PITPNC1: variants seen among roughly 807,000 people sequenced by gnomAD.
PITPNC1 encodes the protein cytoplasmic phosphatidylinositol transfer protein 1.
Under a neutral mutation model 44.7 loss-of-function variants are expected in PITPNC1, and 18 were observed. The observed-to-expected ratio is 0.40, with a 90% confidence interval of 0.28 to 0.60. The LOEUF (loss-of-function observed/expected upper bound fraction) is 0.60. PITPNC1 is among the 20% of genes least tolerant of loss of function. PITPNC1 has a pLI of 0.39. For missense variants in PITPNC1, 290 were observed against 418.4 expected, an observed-to-expected ratio of 0.69 and a Z score of 2.68; for synonymous variants, 141 against 149.6, an observed-to-expected ratio of 0.94 and a Z score of 0.42.
intron 5 of PITPNC1, among the ~76,000 whole-genome samples, chr17:67,583,865 TTGTGTG>T (rs771258752): frequency 1.2e-4 from 14 of 118,446 alleles, no homozygotes; most frequent in South Asian, 3.1e-4. Flanking sequence ...CTGGCTAATT[TTGTGTG>T]TGTGTGTGTG....
At chr17:67,576,658 T>G (rs2570037) in intron 4 of PITPNC1, among the ~76,000 whole-genome samples, 15,592 of 152,114 alleles carry the variant, frequency 0.1, 1,683 homozygotes, top group African/African-American at 0.27. Flanking sequence ...CCATCAAAAT[T>G]CTCTTCTTAA....
intron 3 of PITPNC1, among the ~76,000 whole-genome samples, chr17:67,553,013 A>G (rs1051527156): frequency 2.2e-4 from 33 of 152,144 alleles, no homozygotes; most frequent in Admixed American, 1.7e-3. Context: ...AAAAGATTCT[A>G]TTGGATCTCT....
chr17:67,599,001 CATATATATATATATAT>C (rs1172990089), intron 5 of PITPNC1, among the ~76,000 whole-genome samples: 31 of 45,164 alleles, frequency 6.9e-4, no homozygotes, highest in African/African-American at 1.6e-3. Flanking sequence ...ATAAGAAATA[CATATATATATATATAT>C]ATATATATAT....
chr17:67,404,022 A>AAAAC (rs1337935488), intron 1 of PITPNC1, among the ~76,000 whole-genome samples: 1 of 152,194 alleles, frequency 6.6e-6, no homozygotes, highest in African/African-American at 2.4e-5. Context: ...GCTCCATCTC[A>AAAAC]AAACAAACAA....
chr17:67,378,399 G>C (rs1296429395), intron 1 of PITPNC1, among the ~76,000 whole-genome samples, 197 bp downstream of exon 1: 2 of 152,138 alleles, frequency 1.3e-5, no homozygotes, highest in Non-Finnish European at 2.9e-5. Flanking sequence ...GCGCTGGGTG[G>C]GGCGGCGGAC....
At chr17:67,575,827 CTTCCTTCCTTCCTTCTTTCTTTCTTTCT>C (rs2041137002) in intron 4 of PITPNC1, among the ~76,000 whole-genome samples, 84 of 70,610 alleles carry the variant, frequency 1.2e-3, no homozygotes, top group African/African-American at 3.1e-3. Context: ...TCTTTCCTTC[CTTCCTTCCTTCCTTCTTTCTTTCTTTCT>C]TTCCTTCCTT....
chr17:67,398,510 G>GTAT (rs1555647050), intron 1 of PITPNC1, among the ~76,000 whole-genome samples: 1 of 151,614 alleles, frequency 6.6e-6, no homozygotes, highest in Admixed American at 6.6e-5. Flanking sequence ...GTGCAGTTGG[G>GTAT]TGTTGTGGAG....
At chr17:67,405,958 T>C (rs1836728868) in intron 1 of PITPNC1, among the ~76,000 whole-genome samples, 4 of 152,138 alleles carry the variant, frequency 2.6e-5, no homozygotes. Flanking sequence ...CTTCTGTACA[T>C]ATGACATTAT....
intron 6 of PITPNC1, among the ~76,000 whole-genome samples, chr17:67,652,950 G>A (rs2042225436): frequency 6.6e-6 from 1 of 152,154 alleles, no homozygotes; most frequent in African/African-American, 2.4e-5. Flanking sequence ...GATCATTAGG[G>A]GGACCCTAAT....
intron 1 of PITPNC1, among the ~76,000 whole-genome samples, chr17:67,389,961 G>T (rs1488531847): frequency 1.3e-5 from 2 of 152,060 alleles, no homozygotes; most frequent in East Asian, 3.9e-4. Flanking sequence ...TTACAGACGC[G>T]AGCCACCGTG....
chr17:67,411,082 C>A (rs1218835371), intron 1 of PITPNC1, among the ~76,000 whole-genome samples: 66 of 136,468 alleles, frequency 4.8e-4, no homozygotes, highest in Non-Finnish European at 5.0e-4. Flanking sequence ...ACTCCCATCT[C>A]AAAAAAAAAA....
intron 1 of PITPNC1, among the ~76,000 whole-genome samples, chr17:67,389,343 C>T (rs2038102186): frequency 6.6e-6 from 1 of 152,206 alleles, no homozygotes; most frequent in Non-Finnish European, 1.5e-5. Context: ...GGCCATTCTG[C>T]CTCTCCTAGG....
At chr17:67,624,930 A>G (rs993716607) in intron 5 of PITPNC1, among the ~76,000 whole-genome samples, 1 of 152,238 alleles carries the variant, frequency 6.6e-6, no homozygotes, top group Non-Finnish European at 1.5e-5. Context: ...ATACTTTACA[A>G]AAAAGAGAAA....
At chr17:67,448,221 A>G (rs531027053) in intron 1 of PITPNC1, among the ~76,000 whole-genome samples, 1 of 152,286 alleles carries the variant, frequency 6.6e-6, no homozygotes, top group South Asian at 2.1e-4. Flanking sequence ...TGCTGGGATT[A>G]CAGGCATGAG....
At chr17:67,589,437 G>A (rs1353317062) in intron 5 of PITPNC1, among the ~76,000 whole-genome samples, 1 of 152,164 alleles carries the variant, frequency 6.6e-6, no homozygotes, top group African/African-American at 2.4e-5. Context: ...CCTCTGATGT[G>A]CTAGTATCAA....
intron 1 of PITPNC1, among the ~76,000 whole-genome samples, chr17:67,480,852 C>T (rs1020659606): frequency 2.6e-5 from 4 of 152,160 alleles, no homozygotes; most frequent in Non-Finnish European, 4.4e-5. Flanking sequence ...TGGAACAAAG[C>T]ACACATGGGT....
At chr17:67,615,820 A>C (rs2041750436) in intron 5 of PITPNC1, among the ~76,000 whole-genome samples, 1 of 152,114 alleles carries the variant, frequency 6.6e-6, no homozygotes, top group African/African-American at 2.4e-5. Flanking sequence ...GGCATTATTG[A>C]TCATACTTCG....
chr17:67,429,106 G>T (rs909663475), intron 1 of PITPNC1, among the ~76,000 whole-genome samples: 5 of 152,006 alleles, frequency 3.3e-5, no homozygotes, highest in African/African-American at 1.2e-4. Flanking sequence ...CTCCCAAAGT[G>T]CTGGGATTAC....
Position 67,692,855 on chromosome 17 carries a change from T to C in PITPNC1, c.966T>C (p.Ser322=), listed in dbSNP as rs1399063257. 6.2e-7 allele frequency: 1 copy of C among 1,612,162 alleles called. No individual in the cohort carries two copies. The highest frequency in any genetic ancestry group is 8.5e-7 in the Non-Finnish European group (1 of 1,178,488). Residue 322 remains serine (S), a synonymous_variant, in exon 9 of 9, where the codon TCT becomes TCC. Coordinates refer to ENST00000581322, the MANE Select transcript of PITPNC1 (RefSeq NM_012417.4). ...CCCTGAATTTACCCGGCATGCACTCTTCAGATAAGCCATGTCGGCCCAAAT... is the reference window on the plus strand; with the variant it reads ...CCCTGAATTTACCCGGCATGCACTCCTCAGATAAGCCATGTCGGCCCAAAT... ...KATLNLPGMH[S]SDKPCRPKSE
Sources: allele counts gnomAD v4.1 joint callset (sites outside exome capture counted in the v4.1 genomes callset), GRCh38; gene constraint gnomAD v4.1.1; transcripts MANE v1.5; gene names NCBI Gene and HGNC (gene_info 2026-07-23, HGNC 2026-07-21).